The following PCDHGA2 variants were observed in gnomAD, a reference collection of about 807,000 sequenced individuals.
PCDHGA2 encodes the protein protocadherin gamma-A2.
PCDHGA2 carries 40 observed loss-of-function variants against 59.2 expected under a neutral mutation model. The observed-to-expected ratio is 0.68, with a 90% CI of 0.52 to 0.88. The LOEUF (loss-of-function observed/expected upper bound fraction) is 0.88. PCDHGA2 is among the 40% of genes least tolerant of loss of function. The pLI is 0.00. For synonymous variants in PCDHGA2, 560 were observed against 526.0 expected, an observed-to-expected ratio of 1.06 and a Z score of -0.89; for missense variants, 1,226 against 1,204.0, an observed-to-expected ratio of 1.02 and a Z score of -0.27.
rs76825883 is a variant in PCDHGA2, at chr5:141,433,317, C to T, written c.2425-61490C>T. The T allele has an allele frequency of 1.4e-3, 1,163 of 830,944 alleles. 6 individuals are homozygous for T. In the African/African-American group the frequency reaches 0.015, roughly 11 times the overall value. 51.5% of individuals were successfully genotyped at this position (830,944 alleles called of 1,614,324 possible). A position where few individuals can be genotyped will look rare whatever the true frequency, so the allele number is the denominator to read the frequency against. On this transcript the variant is annotated intron_variant, in intron 1 of 3. Transcript: ENST00000394576. ...CAAGCAATTATCCCACCTTTGCCTC[C>T]GGTGTAACAGGGACTACAGGTGCAA... is the stretch of plus-strand genomic sequence containing the variant.
At chr5:141,350,477 A>G (rs1415742545) in intron 1 of PCDHGA2, 2 of 1,613,856 alleles carry the variant, frequency 1.2e-6, no homozygotes, top group African/African-American at 2.7e-5. Flanking sequence ...GGATTATTTC[A>G]ACGTTAGTTT....
intron 1 of PCDHGA2, among the ~76,000 whole-genome samples, chr5:141,449,974 A>T (rs2098661108): frequency 6.6e-6 from 1 of 151,260 alleles, no homozygotes; most frequent in African/African-American, 2.4e-5. Context: ...TTTAGTCCAA[A>T]ATATCACACA....
chr5:141,428,479 T>A (rs577865239), intron 1 of PCDHGA2: 1 of 328,682 alleles, frequency 3.0e-6, no homozygotes, highest in African/African-American at 2.1e-5. Flanking sequence ...TTTGCTTTAT[T>A]CCTGCAATCT....
In PCDHGA2 at chr5:141,372,944, T is replaced by G. The variant is rs575803755; in HGVS notation, c.2424+31549T>G. ...ATTTTCTGGTGTAGAGTAGGGTGTC[T>G]AGGAAATTCTTTGTAGAATTTCCTG... On this transcript the variant is annotated intron_variant, in intron 1 of 3. Coordinates refer to ENST00000394576, the MANE Select transcript of PCDHGA2 (RefSeq NM_018915.4). The G allele has an allele frequency of 1.0e-5, 8 of 788,876 alleles. No individual in the cohort carries two copies. In the East Asian group the frequency reaches 2.2e-4, roughly 22 times the overall value. The allele number at this position is 788,876 out of a possible 1,614,324, so 48.9% of individuals were successfully genotyped here. A position where few individuals can be genotyped will look rare whatever the true frequency, so the allele number is the denominator to read the frequency against.
intron 1 of PCDHGA2, chr5:141,393,940 C>T: frequency 3.7e-6 from 6 of 1,613,928 alleles, no homozygotes; most frequent in Non-Finnish European, 5.1e-6. Flanking sequence ...GACCAAGACT[C>T]TGGAAAGAAT....
chr5:141,410,090 C>A (rs369832481), intron 1 of PCDHGA2: 51 of 1,612,358 alleles, frequency 3.2e-5, no homozygotes, highest in Middle Eastern at 1.7e-4. Context: ...GCGCACGGCT[C>A]GAGCCTTAGG....
intron 1 of PCDHGA2, among the ~76,000 whole-genome samples, chr5:141,462,771 G>C (rs1295560657): frequency 6.6e-6 from 1 of 152,088 alleles, no homozygotes; most frequent in Non-Finnish European, 1.5e-5. Context: ...CTGGCTTGGG[G>C]TCATAATTTG....
intron 1 of PCDHGA2, chr5:141,351,073 T>C: frequency 6.2e-7 from 1 of 1,614,078 alleles, no homozygotes; most frequent in Admixed American, 1.7e-5. Context: ...AGGGCATTAA[T>C]GCAGAGATCA....
Position 141,493,806 on chromosome 5 carries a change from T to C in PCDHGA2, c.2425-1001T>C, listed in dbSNP as rs1339302166. On this transcript the variant is annotated intron_variant, in intron 1 of 3. Coordinates refer to ENST00000394576, the MANE Select transcript of PCDHGA2 (RefSeq NM_018915.4). This position sits in a 1 kb window ranked among gnomAD's most constrained non-coding sequence, Gnocchi z 4.3. ...TCCTTCTCCCTGGAGTAATCTGAGA[T>C]ACTCACACTCTCTGCTTCTGGGAGC... is the stretch of plus-strand genomic sequence containing the variant. Among the ~76,000 whole-genome samples, 1 of 152,162 alleles carries C rather than the reference T, an allele frequency of 6.6e-6. No homozygotes were observed. The highest frequency in any genetic ancestry group is 1.5e-5 in the Non-Finnish European group (1 of 68,038).
intron 1 of PCDHGA2, chr5:141,351,360 T>A: frequency 6.2e-7 from 1 of 1,613,050 alleles, no homozygotes; most frequent in Non-Finnish European, 8.5e-7. Context: ...CTCATAAAAG[T>A]GCGAGACAAG....
chr5:141,372,309 C>T lies in PCDHGA2; in HGVS notation c.2424+30914C>T, dbSNP rs950315336. On this transcript the variant is annotated intron_variant, in intron 1 of 3. Transcript: ENST00000394576. ...TACCTTGGGCGACAGGGAGGCCGCC[C>T]GCCAGCGCCTGCTGGTCACTGTGCG... 2 of 1,613,400 alleles carry T rather than the reference C, an allele frequency of 1.2e-6. No homozygotes were observed. The highest frequency in any genetic ancestry group is 2.2e-5 in the East Asian group (1 of 44,894).
intron 1 of PCDHGA2, chr5:141,385,445 T>A (rs2150293072): frequency 1.4e-6 from 2 of 1,450,040 alleles, no homozygotes; most frequent in Non-Finnish European, 1.8e-6. Context: ...TAAAAATGAG[T>A]TTACCAGTTT....
intron 1 of PCDHGA2, among the ~76,000 whole-genome samples, chr5:141,488,087 G>A (rs1479773288): frequency 6.6e-6 from 1 of 152,198 alleles, no homozygotes; most frequent in East Asian, 1.9e-4. Flanking sequence ...CTAGTACACT[G>A]TGAAGGGACC....
intron 1 of PCDHGA2, chr5:141,362,080 G>A: frequency 4.3e-6 from 7 of 1,613,200 alleles, no homozygotes; most frequent in Non-Finnish European, 5.9e-6. Flanking sequence ...TGTGCGTGAT[G>A]GAGGACAGCC....
intron 1 of PCDHGA2, 87 bp downstream of exon 1, chr5:141,341,482 A>G: frequency 6.3e-7 from 1 of 1,576,738 alleles, no homozygotes; most frequent in Non-Finnish European, 8.6e-7. Context: ...TGTTCCCCAT[A>G]TTTCCTTGAG....
intron 1 of PCDHGA2, chr5:141,413,293 C>G: frequency 6.2e-7 from 1 of 1,613,946 alleles, no homozygotes; most frequent in South Asian, 1.1e-5. Context: ...CTACTCAATT[C>G]CTGAGGAATT....
intron 1 of PCDHGA2, chr5:141,400,191 A>C (rs781032596): frequency 5.0e-6 from 8 of 1,613,852 alleles, no homozygotes; most frequent in Non-Finnish European, 4.2e-6. Context: ...AGTTTTACCT[A>C]GTGGTGGCCT....
At chr5:141,471,114 T>A (rs1210058743) in intron 1 of PCDHGA2, among the ~76,000 whole-genome samples, 1 of 150,256 alleles carries the variant, frequency 6.7e-6, no homozygotes, top group Non-Finnish European at 1.5e-5. Context: ...AGTGGTGCGA[T>A]CTTACCTTCA....
In PCDHGA2 at chr5:141,384,758, G is replaced by A. The variant is rs369146747; in HGVS notation, c.2424+43363G>A. ...AGCGAGCCAGGACTCTTTGCGGTTG[G>A]GCTGTACACGGGCGAGGTGCGCACG... is the stretch of plus-strand genomic sequence containing the variant. On this transcript the variant is annotated intron_variant, in intron 1 of 3. Coordinates refer to ENST00000394576, the MANE Select transcript of PCDHGA2 (RefSeq NM_018915.4). 57 of 1,613,872 alleles carry A rather than the reference G, an allele frequency of 3.5e-5. No individual in the cohort carries two copies. The highest frequency in any genetic ancestry group is 4.1e-5 in the Non-Finnish European group (48 of 1,180,038).
Sources: allele counts gnomAD v4.1 joint callset (sites outside exome capture counted in the v4.1 genomes callset), GRCh38; gene constraint gnomAD v4.1.1; non-coding constraint Gnocchi (gnomAD v3.1); transcripts MANE v1.5; gene names NCBI Gene and HGNC (gene_info 2026-07-23, HGNC 2026-07-21).